The following STRIP2 variants were observed in gnomAD, a reference collection of about 807,000 sequenced individuals.
The protein encoded by STRIP2 is striatin-interacting protein 2.
Under a neutral mutation model 107.1 loss-of-function variants are expected in STRIP2, and 84 were observed. The ratio of observed to expected loss-of-function variants is 0.78; its 90% CI spans 0.66 to 0.94. The LOEUF (loss-of-function observed/expected upper bound fraction) is 0.94, where lower values mean the gene tolerates loss of function less well. Among genes scored for constraint, STRIP2 ranks in the 40% least tolerant of loss-of-function variants. The pLI is 0.00. For synonymous variants in STRIP2, 394 were observed against 400.4 expected (o/e 0.98, Z 0.19); for missense variants, 888 against 1,034.2 (o/e 0.86, Z 1.94).
rs1798944312 is a variant in STRIP2 at position 129,476,363 on chromosome 7, G to T, written c.1945-4422G>T. ...GACGGGGCGGCTGCCGGGCGGAGGGGCTCCTCACTTCTCAGACGGGGCGGC... is the reference window on the plus strand; with the variant it reads ...GACGGGGCGGCTGCCGGGCGGAGGGTCTCCTCACTTCTCAGACGGGGCGGC... On this transcript the variant is annotated intron_variant, in intron 18 of 20. Coordinates refer to ENST00000249344, the MANE Select transcript of STRIP2 (RefSeq NM_020704.3). Among the ~76,000 whole-genome samples the T allele has an allele frequency of 2.1e-5, 3 of 143,038 alleles. No homozygotes were observed. The South Asian group carries it at 6.8e-4, about 32-fold the overall frequency. 93.8% of individuals were successfully genotyped at this position (143,038 alleles called of 152,430 possible).
intron 8 of STRIP2, among the ~76,000 whole-genome samples, chr7:129,455,814 T>C (rs1427557178): frequency 1.3e-5 from 2 of 152,120 alleles, no homozygotes; most frequent in African/African-American, 4.8e-5. Flanking sequence ...AATAATTTTT[T>C]CTTACAGACA....
intron 1 of STRIP2, among the ~76,000 whole-genome samples, chr7:129,438,290 A>G (rs748869917): frequency 6.6e-6 from 1 of 152,248 alleles, no homozygotes; most frequent in Non-Finnish European, 1.5e-5. Flanking sequence ...TAATAAAGGA[A>G]AATTAAAAAC....
intron 1 of STRIP2, 52 bp from the exon 2 acceptor site, chr7:129,439,970 C>T (rs1797853327): frequency 2.1e-6 from 3 of 1,445,222 alleles, no homozygotes; most frequent in South Asian, 2.3e-5. Context: ...CTTCCCTTGG[C>T]AACCCCTTTT....
In STRIP2 at chr7:129,434,613, G is replaced by T. The variant is rs112493792; in HGVS notation, c.129+12G>T. The T allele has an allele frequency of 1.0e-3, 1,517 of 1,475,786 alleles. 15 individuals carry two copies. In the African/African-American group the frequency reaches 0.02, roughly 20 times the overall value. 91.4% of individuals were successfully genotyped at this position (1,475,786 alleles called of 1,614,324 possible). ...GGCGGGAGTCAGAGGTGAGGAGCCCGGAAAGCTTCGGCTGGGGCCCGGAGA... is the reference window on the plus strand; with the variant it reads ...GGCGGGAGTCAGAGGTGAGGAGCCCTGAAAGCTTCGGCTGGGGCCCGGAGA... On this transcript the variant is annotated intron_variant, in intron 1 of 20. Coordinates refer to ENST00000249344, the MANE Select transcript of STRIP2 (RefSeq NM_020704.3).
rs755407996 is a variant in STRIP2 at position 129,483,025 on chromosome 7, G to A, written c.2233G>A (p.Asp745Asn). ...IYQKVRHRMN[D>N]DWAYGNDIDA... ...CCAGAAAGTGCGTCACCGCATGAAC[G>A]ATGACTGGGCTTACGGGAATGGTGA... is the stretch of plus-strand genomic sequence containing the variant. The change falls in exon 20 of 21, where the codon GAT becomes AAT. Residue 745 changes from aspartate (D) to asparagine (N), a missense_variant. Asp to Asn is a conservative substitution (Grantham distance 23). Transcript: ENST00000249344. This position sits in a 1 kb window ranked among gnomAD's most constrained non-coding sequence, Gnocchi z 5.1. The A allele has an allele frequency of 1.2e-5, 19 of 1,614,178 alleles. No individual in the cohort carries two copies. Among genetic ancestry groups the A allele is most frequent in the Admixed American group, 3.3e-5 (2 of 60,030 alleles).
intron 18 of STRIP2, among the ~76,000 whole-genome samples, chr7:129,474,608 C>G (rs889844140): frequency 7.9e-5 from 12 of 152,040 alleles, no homozygotes; most frequent in African/African-American, 2.9e-4. Flanking sequence ...CTCCCAGGTT[C>G]AAGCGATTCT....
At chr7:129,449,030 G>A (rs1455497322) in intron 3 of STRIP2, among the ~76,000 whole-genome samples, 2 of 152,070 alleles carry the variant, frequency 1.3e-5, no homozygotes, top group African/African-American at 4.8e-5. Flanking sequence ...TTAAACCAAG[G>A]GAGAGCAGGC....
In STRIP2 at chr7:129,482,901, C is replaced by G; in HGVS notation, c.2109C>G (p.Ala703=). Residue 703 remains alanine (A), a synonymous_variant, in exon 20 of 21, where the codon GCC becomes GCG. Transcript: ENST00000249344. The part of the protein sequence containing the change: ...ILKRALKVKQ[A]MLQLYVLKLL... ...AGCGGGCCCTCAAGGTCAAACAGGC[C>G]ATGCTGCAACTTTATGTCCTAAAGC... The G allele has an allele frequency of 6.2e-7, 1 of 1,614,150 alleles. No individual in the cohort carries two copies. The highest frequency in any genetic ancestry group is 8.5e-7 in the Non-Finnish European group (1 of 1,180,036).
At position 129,458,549 on chromosome 7, in the gene STRIP2, C is replaced by A; in HGVS notation, c.1274+99C>A. On this transcript the variant is annotated intron_variant, in intron 10 of 20. Transcript: ENST00000249344. The surrounding 1 kb of genome is among the most constrained non-coding windows in gnomAD (Gnocchi z 4.6). ...TGTATTCAAGGCTCGTTAAGTTGGT[C>A]TGGCAGTCAGAACTCCTGGGTTTGA... 2 of 1,271,840 alleles carry A rather than the reference C, an allele frequency of 1.6e-6. No individual in the cohort carries two copies. Among genetic ancestry groups the A allele is most frequent in the Non-Finnish European group, 2.2e-6 (2 of 918,910 alleles). The allele number at this position is 1,271,840 out of a possible 1,614,324, so 78.8% of individuals were successfully genotyped here. A position where few individuals can be genotyped will look rare whatever the true frequency, so the allele number is the denominator to read the frequency against.
chr7:129,477,915 A>T, intron 18 of STRIP2: 2 of 519,806 alleles, frequency 3.8e-6, no homozygotes, highest in South Asian at 2.9e-5. Context: ...AAATTTATAG[A>T]CAAGAAGTTA....
intron 3 of STRIP2, among the ~76,000 whole-genome samples, chr7:129,450,703 C>G (rs548932588): frequency 6.6e-6 from 1 of 152,212 alleles, no homozygotes; most frequent in Non-Finnish European, 1.5e-5. Flanking sequence ...CTGCCCCAGC[C>G]TCCCAAGTAG....
Position 129,455,267 on chromosome 7 carries a change from C to G in STRIP2, c.730C>G (p.Pro244Ala), listed in dbSNP as rs771305258. 3.7e-6 allele frequency: 6 copies of G among 1,613,590 alleles called. No homozygotes were observed. The highest frequency in any genetic ancestry group is 2.2e-5 in the East Asian group (1 of 44,840). Reference sequence around the variant, plus strand: ...AGGCTTCTCCATGCATAATGAGGAGCCTTTTGCCCTTTTACTCTTCTCCAT... The same window carrying G: ...AGGCTTCTCCATGCATAATGAGGAGGCTTTTGCCCTTTTACTCTTCTCCAT... ...ELSFSMHNEE[P>A]FALLLFSMVT... Residue 244 changes from proline (P) to alanine (A), a missense_variant, in exon 8 of 21, where the codon CCT (proline) becomes GCT (alanine). Physicochemically the swap from Pro to Ala is conservative, Grantham distance 27. Coordinates refer to ENST00000249344, the MANE Select transcript of STRIP2 (RefSeq NM_020704.3).
At position 129,461,979 on chromosome 7, in the gene STRIP2, C is replaced by T. The variant is rs1017844022; in HGVS notation, c.1477-987C>T. ...GACTGGCCTTTGTTAGAAGCACAGG[C>T]GGTTCATCCTTCATGTCAAGAAGGA... is the stretch of plus-strand genomic sequence containing the variant. On this transcript the variant is annotated intron_variant, in intron 13 of 20. Coordinates refer to ENST00000249344, the MANE Select transcript of STRIP2 (RefSeq NM_020704.3). The surrounding 1 kb of genome is among the most constrained non-coding windows in gnomAD (Gnocchi z 4.0). 6.6e-6 allele frequency among the ~76,000 whole-genome samples: 1 copy of T among 152,136 alleles called. No homozygotes were observed. Among genetic ancestry groups the T allele is most frequent in the Non-Finnish European group, 1.5e-5 (1 of 68,030 alleles).
At position 129,444,049 on chromosome 7, in the gene STRIP2, G is replaced by A. The variant is rs774458575; in HGVS notation, c.225G>A (p.Leu75=). Residue 75 remains leucine, a synonymous_variant, in exon 3 of 21, where the codon CTG becomes CTA. Coordinates refer to ENST00000249344, the MANE Select transcript of STRIP2 (RefSeq NM_020704.3). The stretch of plus-strand genomic sequence containing the variant: ...AATTGTATAGTTACACTGAGAACCT[G>A]GAATTCACCAATAACAGGAGGTGCT... ...LSELYSYTEN[L]EFTNNRRCFE... 1.9e-6 allele frequency: 3 copies of A among 1,613,686 alleles called. No individual in the cohort carries two copies. Among genetic ancestry groups the A allele is most frequent in the South Asian group, 2.2e-5 (2 of 91,020 alleles).
rs73721736 is a variant in STRIP2 at position 129,458,284 on chromosome 7, G to A, written c.1108G>A (p.Ala370Thr). The change falls in exon 10 of 21, where the codon GCC becomes ACC. Residue 370 changes from alanine (A) to threonine (T), a missense_variant. Coordinates refer to ENST00000249344, the MANE Select transcript of STRIP2 (RefSeq NM_020704.3). The surrounding 1 kb of genome is among the most constrained non-coding windows in gnomAD (Gnocchi z 4.6). The part of the protein sequence containing the change: ...ERDLFKTEEP[A>T]TEEEEESAGD... ...GGATCTCTTCAAGACTGAGGAGCCC[G>A]CCACAGAGGAGGAAGAGGAGTCTGC... 2.9e-4 allele frequency: 461 copies of A among 1,614,204 alleles called. No homozygotes were observed. The African/African-American group carries it at 5.4e-3, about 19-fold the overall frequency.
rs759571566 is a variant in STRIP2 at position 129,454,108 on chromosome 7, A to C, written c.531-34A>C. The C allele has an allele frequency of 5.4e-5, 87 of 1,600,310 alleles. 1 individual carries two copies. In the South Asian group the frequency reaches 9.5e-4, roughly 17 times the overall value. ...AGAGCACAGAGAGAAAAGAAGTCTT[A>C]TGCATTCCTGTTCTTTTTCTCCTCC... On this transcript the variant is annotated intron_variant, in intron 5 of 20. Coordinates refer to ENST00000249344, the MANE Select transcript of STRIP2 (RefSeq NM_020704.3).
rs967755673 is a variant in STRIP2 at position 129,461,465 on chromosome 7, G to A, written c.1476+1093G>A. Among the ~76,000 whole-genome samples, 2 of 152,152 alleles carry A rather than the reference G, an allele frequency of 1.3e-5. No homozygotes were observed. Among genetic ancestry groups the A allele is most frequent in the African/African-American group, 4.8e-5 (2 of 41,420 alleles). ...GCCCTGGGGCACACCAGTATGTTGA[G>A]GGGGGGATGTGTCAGGAAAGGAGCC... On this transcript the variant is annotated intron_variant, in intron 13 of 20. Transcript: ENST00000249344. The surrounding 1 kb of genome is among the most constrained non-coding windows in gnomAD (Gnocchi z 4.0).
At position 129,456,650 on chromosome 7, in the gene STRIP2, C is replaced by T. The variant is rs1584949211; in HGVS notation, c.1038+8C>T. The stretch of plus-strand genomic sequence containing the variant: ...CGCCGTGGCTCTCGAAGGGTATGGA[C>T]TGAAGCAGACAATGGTATTGGGACA... On this transcript the variant is annotated splice_region_variant and intron_variant, in intron 9 of 20. Coordinates refer to ENST00000249344, the MANE Select transcript of STRIP2 (RefSeq NM_020704.3). The T allele has an allele frequency of 1.9e-6, 3 of 1,612,046 alleles. No homozygotes were observed. The highest frequency in any genetic ancestry group is 2.7e-5 in the African/African-American group (2 of 74,854).
At chr7:129,440,732 G>C (rs1337669403) in intron 2 of STRIP2, among the ~76,000 whole-genome samples, 1 of 152,026 alleles carries the variant, frequency 6.6e-6, no homozygotes, top group East Asian at 1.9e-4. Flanking sequence ...TTTAGCTTAG[G>C]GTAAATGTGA....
Sources: gnomAD v4.1 joint callset for allele counts (sites outside exome capture counted in the v4.1 genomes callset) on GRCh38, gnomAD v4.1.1 for gene constraint, Gnocchi (gnomAD v3.1) non-coding constraint, MANE v1.5 for transcripts, NCBI Gene and HGNC (gene_info 2026-07-23, HGNC 2026-07-21) for gene names.